The following CP variants were observed in gnomAD, a reference collection of about 807,000 sequenced individuals.
The protein encoded by CP is ceruloplasmin, also known as caeruloplasmin.
A neutral mutation model predicts 122.4 loss-of-function variants in CP; 64 were observed. That is an observed-to-expected ratio of 0.52 (90% CI 0.43 to 0.64). The LOEUF (loss-of-function observed/expected upper bound fraction) is 0.64. Ranked by LOEUF, CP falls within the 30% of genes least tolerant of loss-of-function variation. CP has a pLI of 0.00. For missense variants in CP, 1,167 were observed against 1,284.4 expected (o/e 0.91, Z 1.40); for synonymous variants, 440 against 436.4 (o/e 1.01, Z -0.10).
intron 3 of CP, among the ~76,000 whole-genome samples, chr3:149,209,933 G>T (rs34575419): frequency 6.0e-4 from 92 of 152,242 alleles, no homozygotes; most frequent in African/African-American, 2.0e-3. Flanking sequence ...AACCCTGAGA[G>T]AATATATTTC....
chr3:149,188,262 G>A, intron 9 of CP, 60 bp from the exon 10 acceptor site: 1 of 1,410,424 alleles, frequency 7.1e-7, no homozygotes, highest in Non-Finnish European at 9.9e-7. Context: ...ACTTCCATGT[G>A]CACAATACTA....
In CP at chr3:149,221,686, G is replaced by T; in HGVS notation, c.107C>A (p.Ala36Asp). 1 of 1,613,094 alleles carries T rather than the reference G, an allele frequency of 6.2e-7. No homozygotes were observed. Among genetic ancestry groups the T allele is most frequent in the Non-Finnish European group, 8.5e-7 (1 of 1,179,626 alleles). Reference protein sequence around the residue: ...IGIIETTWDYASDHGEKKLIS... With the variant: ...IGIIETTWDYDSDHGEKKLIS... ...AAGTTTCTTTTCCCCATGGTCAGAG[G>T]CATAATCCCAAGTCGTTTCAATAAT... The change falls in exon 1 of 19, where the codon GCC becomes GAC. Residue 36 changes from alanine (A) to aspartate (D), a missense_variant. Physicochemically the swap from Ala to Asp is moderately radical, Grantham distance 126. This residue lies in a region of CP where 642 missense variants were observed against 627.3 expected (regional missense o/e 1.02). Coordinates refer to ENST00000264613, the MANE Select transcript of CP (RefSeq NM_000096.4).
intron 9 of CP, among the ~76,000 whole-genome samples, chr3:149,195,516 T>A (rs1245915901): frequency 6.6e-6 from 1 of 152,190 alleles, no homozygotes; most frequent in Non-Finnish European, 1.5e-5. Context: ...AAATGAGGAA[T>A]GAGCAATATT....
intron 4 of CP, among the ~76,000 whole-genome samples, chr3:149,208,528 G>A (rs34951015): frequency 0.088 from 13,302 of 151,964 alleles, 632 homozygotes; most frequent in Middle Eastern, 0.11. Context: ...TTGTGCTCTC[G>A]GTTTCTGAGT....
chr3:149,211,977 T>C (rs966399125), intron 2 of CP, among the ~76,000 whole-genome samples: 2 of 152,054 alleles, frequency 1.3e-5, no homozygotes, highest in Non-Finnish European at 2.9e-5. Flanking sequence ...ATGCCATTAT[T>C]ATATGGAAAC....
intron 7 of CP, 103 bp from the exon 8 acceptor site, chr3:149,199,967 G>C (rs1295372778): frequency 2.6e-6 from 3 of 1,175,896 alleles, no homozygotes; most frequent in Non-Finnish European, 3.8e-6. Flanking sequence ...GAACTACTAG[G>C]AGCAACACGC....
intron 12 of CP, among the ~76,000 whole-genome samples, 177 bp from the exon 13 acceptor site, chr3:149,183,782 A>G (rs1040562727): frequency 6.6e-6 from 1 of 152,136 alleles, no homozygotes; most frequent in Non-Finnish European, 1.5e-5. Context: ...TCTGTGTGGT[A>G]GAAAGCATAC....
intron 1 of CP, among the ~76,000 whole-genome samples, chr3:149,221,336 T>C (rs1012687562): frequency 3.3e-5 from 5 of 152,166 alleles, no homozygotes; most frequent in African/African-American, 1.2e-4. Flanking sequence ...TATACAGTAA[T>C]TGTTTAAATG....
chr3:149,183,428 A>G (rs1301296543), intron 13 of CP, 38 bp downstream of exon 13: 1 of 1,606,132 alleles, frequency 6.2e-7, no homozygotes, highest in Non-Finnish European at 8.5e-7. Flanking sequence ...GCATCACATC[A>G]TTAACCCACA....
At chr3:149,207,731 G>A (rs1727844101) in intron 4 of CP, 114 bp from the exon 5 acceptor site, 1 of 1,112,848 alleles carries the variant, frequency 9.0e-7, no homozygotes, top group African/African-American at 1.5e-5. Context: ...CACACATGCT[G>A]GTATTCTTGC....
rs1354140313 is a variant in CP at position 149,206,321 on chromosome 3, A to T, written c.1055T>A (p.Phe352Tyr). ...AGACTTGTTACACTCCTGGACCTGG[A>T]AAAAGGCTTGCAAACCGGCTGAAAT... The part of the protein sequence containing the change: ...NHLKAGLQAF[F>Y]QVQECNKSSS... The change falls in exon 6 of 19, where the codon TTC (phenylalanine) becomes TAC (tyrosine). Residue 352 changes from phenylalanine (F) to tyrosine (Y), a missense_variant. Coordinates refer to ENST00000264613, the MANE Select transcript of CP (RefSeq NM_000096.4). 13 of 1,613,504 alleles carry T rather than the reference A, an allele frequency of 8.1e-6. No homozygotes were observed. The highest frequency in any genetic ancestry group is 1.1e-5 in the Non-Finnish European group (13 of 1,179,494).
At chr3:149,212,401 A>C (rs1420344961) in intron 2 of CP, 50 bp downstream of exon 2, 1 of 1,607,978 alleles carries the variant, frequency 6.2e-7, no homozygotes. Context: ...GCTAAAAGGC[A>C]CTTCTACTGA....
rs988456087 is a variant in CP, at chr3:149,177,874, G to A, written c.2984C>T (p.Thr995Ile). The A allele has an allele frequency of 1.2e-6, 2 of 1,613,734 alleles. No homozygotes were observed. The highest frequency in any genetic ancestry group is 2.2e-5 in the East Asian group (1 of 44,876). Reference sequence around the variant, plus strand: ...GAAGCTATGGCCGTGAAAATGTACAGTGTGTAAGTCTATTTCATTGCCCAT... The same window carrying A: ...GAAGCTATGGCCGTGAAAATGTACAATGTGTAAGTCTATTTCATTGCCCAT... The part of the protein sequence containing the change: ...MGMGNEIDLH[T>I]VHFHGHSFQY... Residue 995 changes from threonine to isoleucine, a missense_variant, in exon 17 of 19, where the codon ACT becomes ATT. Physicochemically the swap from Thr to Ile is moderately conservative, Grantham distance 89. This residue lies in a region of CP where 525 missense variants were observed against 657.2 expected (regional missense o/e 0.80). Transcript: ENST00000264613.
intron 1 of CP, among the ~76,000 whole-genome samples, chr3:149,215,893 A>G (rs1239160511): frequency 6.6e-6 from 1 of 152,230 alleles, no homozygotes; most frequent in African/African-American, 2.4e-5. Flanking sequence ...TATTTAAAAA[A>G]AGAAAAGCCC....
chr3:149,212,824 G>T, intron 1 of CP, 126 bp from the exon 2 acceptor site: 1 of 1,189,062 alleles, frequency 8.4e-7, no homozygotes, highest in Non-Finnish European at 1.2e-6. Context: ...TTTGCCTGTT[G>T]TAGGGATGCC....
chr3:149,182,122 G>A lies in CP; in HGVS notation c.2437C>T (p.His813Tyr). The A allele has an allele frequency of 6.2e-7, 1 of 1,614,094 alleles. No homozygotes were observed. The highest frequency in any genetic ancestry group is 8.5e-7 in the Non-Finnish European group (1 of 1,179,972). The change falls in exon 14 of 19, where the codon CAT becomes TAT. Residue 813 changes from histidine (H) to tyrosine (Y), a missense_variant. Around this residue, in one of 2 missense-constraint regions of CP, gnomAD observed 525 missense variants for 657.2 expected, o/e 0.80. Transcript: ENST00000264613. Reference protein sequence around the residue: ...EHLGILGPQLHADVGDKVKII... With the variant: ...EHLGILGPQLYADVGDKVKII... ...TTGACTTTGTCTCCAACATCTGCAT[G>A]AAGTTGTGGACCTGGCAAAAGTGAA...
intron 1 of CP, among the ~76,000 whole-genome samples, chr3:149,220,733 G>A (rs2108320387): frequency 6.6e-6 from 1 of 152,198 alleles, no homozygotes; most frequent in East Asian, 1.9e-4. Flanking sequence ...GTTTTTTAAA[G>A]ATATAATCTT....
chr3:149,220,762 G>A (rs1030021178), intron 1 of CP, among the ~76,000 whole-genome samples: 2 of 151,916 alleles, frequency 1.3e-5, no homozygotes, highest in African/African-American at 4.8e-5. Flanking sequence ...ATGGTCATTG[G>A]GCTTGTTTGT....
In CP at chr3:149,198,665, T is replaced by G. The variant is rs970889493; in HGVS notation, c.1502-87A>C. On this transcript the variant is annotated intron_variant, in intron 8 of 18. Coordinates refer to ENST00000264613, the MANE Select transcript of CP (RefSeq NM_000096.4). ...AAAGTAGACTAAGTTTAGTCTAGAATAGCCCACTTCTGAGTTCTTTGTTAT... is the reference window on the plus strand; with the variant it reads ...AAAGTAGACTAAGTTTAGTCTAGAAGAGCCCACTTCTGAGTTCTTTGTTAT... The G allele has an allele frequency of 2.7e-6, 3 of 1,098,530 alleles. No homozygotes were observed. In the South Asian group the frequency reaches 4.0e-5, roughly 15 times the overall value. 68.0% of individuals were successfully genotyped at this position (1,098,530 alleles called of 1,614,324 possible).
Sources: gnomAD v4.1 joint callset for allele counts (sites outside exome capture counted in the v4.1 genomes callset) on GRCh38, gnomAD v4.1.1 for gene constraint, gnomAD v4.1.1 regional missense constraint, MANE v1.5 for transcripts, NCBI Gene and HGNC (gene_info 2026-07-23, HGNC 2026-07-21) for gene names.